The following GGA2 variants were observed in gnomAD, a reference collection of about 807,000 sequenced individuals.
GGA2 encodes ADP-ribosylation factor-binding protein GGA2.
Under a neutral mutation model 79.5 loss-of-function variants are expected in GGA2, and 48 were observed. The ratio of observed to expected loss-of-function variants is 0.60; its 90% CI spans 0.48 to 0.77. The LOEUF is 0.77. GGA2 is among the 30% of genes least tolerant of loss of function. The pLI, the probability that GGA2 is intolerant of heterozygous loss-of-function variation, is 0.00. For synonymous variants in GGA2, 317 were observed against 302.0 expected (o/e 1.05, Z -0.51); for missense variants, 770 against 774.0 (o/e 0.99, Z 0.06).
At chr16:23,496,200 G>A (rs1484003906) in intron 1 of GGA2, among the ~76,000 whole-genome samples, 2 of 150,954 alleles carry the variant, frequency 1.3e-5, no homozygotes, top group Non-Finnish European at 2.9e-5. Context: ...CTACTTGGGA[G>A]GCTGAGGCAG....
At chr16:23,478,310 G>C in intron 13 of GGA2, 58 bp downstream of exon 13, 1 of 1,439,582 alleles carries the variant, frequency 6.9e-7, no homozygotes, top group Non-Finnish European at 9.4e-7. Flanking sequence ...CTTGTCCCAT[G>C]AGAAGGAACC....
chr16:23,498,086 C>A (rs144352837), intron 1 of GGA2, among the ~76,000 whole-genome samples: 43 of 152,228 alleles, frequency 2.8e-4, no homozygotes, highest in African/African-American at 9.6e-4. Flanking sequence ...TGGAGGCCAG[C>A]CTGGGCAACA....
At chr16:23,494,531 T>C in intron 2 of GGA2, 153 bp from the exon 3 acceptor site, 2 of 647,976 alleles carry the variant, frequency 3.1e-6, no homozygotes, top group South Asian at 3.5e-5. Context: ...GCGGGGGCCC[T>C]GGAGAGGGCC....
At chr16:23,479,731 C>T in intron 11 of GGA2, 34 bp downstream of exon 11, 1 of 1,612,498 alleles carries the variant, frequency 6.2e-7, no homozygotes, top group Non-Finnish European at 8.5e-7. Context: ...TCGCACCCAT[C>T]CTGTGCCTGC....
At chr16:23,490,715 A>G (rs1231621777) in intron 5 of GGA2, among the ~76,000 whole-genome samples, 3 of 151,882 alleles carry the variant, frequency 2.0e-5, no homozygotes, top group Non-Finnish European at 4.4e-5. Context: ...AGCCTGGGCA[A>G]CAGAGTGAGA....
intron 14 of GGA2, 144 bp downstream of exon 14, chr16:23,474,760 T>C (rs1964555562): frequency 1.5e-6 from 1 of 667,906 alleles, no homozygotes; most frequent in Non-Finnish European, 2.7e-6. Context: ...CCACAACCTC[T>C]TACTTTCTGC....
At chr16:23,498,081 G>A (rs1310835409) in intron 1 of GGA2, among the ~76,000 whole-genome samples, 1 of 151,940 alleles carries the variant, frequency 6.6e-6, no homozygotes, top group Non-Finnish European at 1.5e-5. Flanking sequence ...GGAGTTGGAG[G>A]CCAGCCTGGG....
chr16:23,465,517 C>T lies in GGA2; in HGVS notation c.*2073G>A. The T allele has an allele frequency of 1.5e-6, 1 of 667,924 alleles. No homozygotes were observed. Among genetic ancestry groups the T allele is most frequent in the Admixed American group, 2.2e-5 (1 of 45,022 alleles). The allele number at this position is 667,924 out of a possible 1,614,324, so 41.4% of individuals were successfully genotyped here. A position where few individuals can be genotyped will look rare whatever the true frequency, so the allele number is the denominator to read the frequency against. ...ACACATGTGTGAGTTCACCTCCTAA[C>T]TATAGGGGAGAAAGCCTGTCTTTAT... is the stretch of plus-strand genomic sequence containing the variant. On this transcript the variant is annotated 3_prime_UTR_variant, in exon 17 of 17. Transcript: ENST00000309859.
chr16:23,512,698 ATC>A (rs1454563392), upstream of GGA2, among the ~76,000 whole-genome samples: 16 of 137,324 alleles, frequency 1.2e-4, no homozygotes, highest in Middle Eastern at 3.6e-3. Flanking sequence ...GTTAAAGAAA[ATC>A]TTTTTTTTTT....
chr16:23,520,370 G>A lies in GGA2; in HGVS notation c.9-731C>T, dbSNP rs191724007. On this transcript the variant is annotated intron_variant, in intron 1 of 5. Coordinates refer to the GGA2 transcript ENST00000569300. ...AAACAAGAAAATTGAGGTACAGAAA[G>A]TCACATGTGAATAAGGGGCAGAATG... is the stretch of plus-strand genomic sequence containing the variant. Among the ~76,000 whole-genome samples, 276 of 151,846 alleles carry A rather than the reference G, an allele frequency of 1.8e-3. 1 individual carries two copies. The highest frequency in any genetic ancestry group is 6.4e-3 in the African/African-American group (265 of 41,436).
chr16:23,509,252 C>G (rs1160737914), intron 1 of GGA2, among the ~76,000 whole-genome samples: 1 of 152,154 alleles, frequency 6.6e-6, no homozygotes, highest in Non-Finnish European at 1.5e-5. Flanking sequence ...CGTGCAGCCC[C>G]TTTCCCGGAT....
chr16:23,497,181 T>C (rs1394437103), intron 1 of GGA2, among the ~76,000 whole-genome samples: 1 of 151,954 alleles, frequency 6.6e-6, no homozygotes, highest in Non-Finnish European at 1.5e-5. Context: ...GCCTCTCTGA[T>C]GAGAAACCGT....
At chr16:23,472,926 G>A (rs1349740075) in intron 14 of GGA2, among the ~76,000 whole-genome samples, 2 of 151,086 alleles carry the variant, frequency 1.3e-5, no homozygotes, top group East Asian at 3.9e-4. Flanking sequence ...CCAGCTACTC[G>A]GGAGGCTGAG....
At chr16:23,499,255 C>T (rs1002831365) in intron 1 of GGA2, among the ~76,000 whole-genome samples, 7 of 151,980 alleles carry the variant, frequency 4.6e-5, no homozygotes, top group South Asian at 2.1e-4. Flanking sequence ...AGCGATTCTC[C>T]GGCCTCAGCC....
chr16:23,467,542 A>G lies in GGA2; in HGVS notation c.*48T>C, dbSNP rs1291329470. ...GTGATTAGTCCTGACTAGACAGCAAAAGTAACGCCAGCCTAAGCTTGAAAT... is the reference window on the plus strand; with the variant it reads ...GTGATTAGTCCTGACTAGACAGCAAGAGTAACGCCAGCCTAAGCTTGAAAT... On this transcript the variant is annotated 3_prime_UTR_variant, in exon 17 of 17. Transcript: ENST00000309859. 9.5e-6 allele frequency: 9 copies of G among 948,586 alleles called. No individual in the cohort carries two copies. Among genetic ancestry groups the G allele is most frequent in the Non-Finnish European group, 1.5e-5 (9 of 583,818 alleles). The allele number at this position is 948,586 out of a possible 1,614,324, so 58.8% of individuals were successfully genotyped here. A position where few individuals can be genotyped will look rare whatever the true frequency, so the allele number is the denominator to read the frequency against.
intron 1 of GGA2, among the ~76,000 whole-genome samples, chr16:23,498,511 T>C (rs937005924): frequency 6.6e-6 from 1 of 152,184 alleles, no homozygotes; most frequent in African/African-American, 2.4e-5. Context: ...GAGGATCGCC[T>C]GAACCCAGGA....
At chr16:23,483,525 A>G (rs1320743595) in intron 8 of GGA2, among the ~76,000 whole-genome samples, 1 of 152,240 alleles carries the variant, frequency 6.6e-6, no homozygotes, top group African/African-American at 2.4e-5. Flanking sequence ...ACTGGAATGC[A>G]GAGGGAGATG....
chr16:23,488,608 T>C lies in GGA2; in HGVS notation c.577A>G (p.Lys193Glu), dbSNP rs570855466. 8.9e-6 allele frequency: 14 copies of C among 1,577,980 alleles called. No homozygotes were observed. Among genetic ancestry groups the C allele is most frequent in the Middle Eastern group, 3.3e-4 (2 of 6,010 alleles). ...SIFDADEEKS[K>E]LLTRLLKSNH... ...ACCATGTAGGTCTGTTTCCTTACCT[T>C]GGACTTTTCTTCATCAGCATCAAAG... Residue 193 changes from lysine to glutamate, a missense_variant and splice_region_variant, in exon 6 of 17, where the codon AAG (lysine) becomes GAG (glutamate). By Grantham distance (56) the Lys-to-Glu change is moderately conservative (BLOSUM62 1). Coordinates refer to ENST00000309859, the MANE Select transcript of GGA2 (RefSeq NM_015044.4).
chr16:23,491,158 T>G (rs1463824061), intron 5 of GGA2, among the ~76,000 whole-genome samples: 1 of 150,776 alleles, frequency 6.6e-6, no homozygotes, highest in Non-Finnish European at 1.5e-5. Flanking sequence ...AATGAAAAAA[T>G]TAGTTGGGTA....
Sources: allele counts gnomAD v4.1 joint callset (sites outside exome capture counted in the v4.1 genomes callset), GRCh38; gene constraint gnomAD v4.1.1; transcripts MANE v1.5; gene names NCBI Gene and HGNC (gene_info 2026-07-23, HGNC 2026-07-21).